The following NUBPL variants were observed in gnomAD, a reference collection of about 807,000 sequenced individuals.
The protein encoded by NUBPL is iron-sulfur cluster transfer protein NUBPL.
In NUBPL, 31 loss-of-function variants were observed where a neutral mutation model predicts 45.7. The observed-to-expected ratio is 0.68, with a 90% CI of 0.51 to 0.92. NUBPL has a LOEUF of 0.92. Among genes scored for constraint, NUBPL ranks in the 40% least tolerant of loss-of-function variants. NUBPL has a pLI of 0.00. For synonymous variants in NUBPL, 144 were observed against 140.9 expected, an observed-to-expected ratio of 1.02 and a Z score of -0.15; for missense variants, 401 against 398.7, an observed-to-expected ratio of 1.01 and a Z score of -0.05.
At chr14:31,699,984 T>C (rs2037296104) in intron 6 of NUBPL, among the ~76,000 whole-genome samples, 1 of 152,222 alleles carries the variant, frequency 6.6e-6, no homozygotes. Context: ...AGTATGTTAG[T>C]TGCTTGATTT....
chr14:31,578,342 A>C (rs2033771448), intron 3 of NUBPL, among the ~76,000 whole-genome samples: 1 of 152,186 alleles, frequency 6.6e-6, no homozygotes, highest in Non-Finnish European at 1.5e-5. Context: ...TGAAATCAGA[A>C]CAGTTTTGTT....
intron 4 of NUBPL, among the ~76,000 whole-genome samples, chr14:31,608,143 A>C (rs755138672): frequency 2.0e-5 from 3 of 152,226 alleles, no homozygotes; most frequent in Non-Finnish European, 4.4e-5. Context: ...TATCTGGTGA[A>C]AATATCCTTC....
intron 4 of NUBPL, among the ~76,000 whole-genome samples, chr14:31,641,201 C>T (rs1038637416): frequency 1.3e-5 from 2 of 152,194 alleles, no homozygotes; most frequent in African/African-American, 2.4e-5. Context: ...CCTCCTGCCT[C>T]ACCCTCCCTA....
At chr14:31,606,171 G>A (rs2034594590) in intron 4 of NUBPL, among the ~76,000 whole-genome samples, 1 of 138,748 alleles carries the variant, frequency 7.2e-6, no homozygotes, top group South Asian at 2.3e-4. Context: ...ATAACTCACT[G>A]CAGCCTCAAA....
chr14:31,846,628 C>G, intron 9 of NUBPL, 37 bp downstream of exon 9: 1 of 1,610,116 alleles, frequency 6.2e-7, no homozygotes, highest in East Asian at 2.2e-5. Flanking sequence ...GAAGAAGTGG[C>G]AGAAGAGAAA....
intron 3 of NUBPL, among the ~76,000 whole-genome samples, chr14:31,594,509 G>A (rs1169026599): frequency 6.6e-6 from 1 of 151,928 alleles, no homozygotes; most frequent in Non-Finnish European, 1.5e-5. Flanking sequence ...GGATTCTTCT[G>A]TACTTTTCAT....
At chr14:31,793,828 C>CTTTTTTTTTTTTTTTTTTTTT (rs55698198) in intron 7 of NUBPL, among the ~76,000 whole-genome samples, 1 of 127,616 alleles carries the variant, frequency 7.8e-6, no homozygotes, top group African/African-American at 3.2e-5. Context: ...CCTTATCTTT[C>CTTTTTTTTTTTTTTTTTTTTT]TTTTTTTTTT....
chr14:31,752,731 C>T (rs189835565), intron 6 of NUBPL, among the ~76,000 whole-genome samples: 42 of 152,310 alleles, frequency 2.8e-4, no homozygotes, highest in African/African-American at 1.0e-3. Flanking sequence ...TATAGCAGTA[C>T]CCCAGTATCC....
At chr14:31,784,134 C>G (rs2039244049) in intron 6 of NUBPL, among the ~76,000 whole-genome samples, 1 of 152,136 alleles carries the variant, frequency 6.6e-6, no homozygotes, top group Admixed American at 6.6e-5. Flanking sequence ...GGAGTCAGCA[C>G]TCTGAAGTTA....
intron 4 of NUBPL, among the ~76,000 whole-genome samples, chr14:31,647,639 C>T (rs2035891915): frequency 6.6e-6 from 1 of 152,186 alleles, no homozygotes; most frequent in African/African-American, 2.4e-5. Context: ...AGTTACAGAT[C>T]AGAGTTTCCA....
At position 31,815,198 on chromosome 14, in the gene NUBPL, G is replaced by A. The variant is rs540199744; in HGVS notation, c.608-11431G>A. On this transcript the variant is annotated intron_variant, in intron 7 of 10. Transcript: ENST00000281081. ...GGAATTTTTTTTTCCATTTTTTTGT[G>A]TCCTCTCTTATTTTCTTGAGCAGCG... Among the ~76,000 whole-genome samples, 154 of 151,458 alleles carry A rather than the reference G, an allele frequency of 1.0e-3. 1 individual carries two copies. Among genetic ancestry groups the A allele is most frequent in the Non-Finnish European group, 1.1e-3 (74 of 67,834 alleles).
At chr14:31,598,138 C>T (rs2034331996) in intron 3 of NUBPL, among the ~76,000 whole-genome samples, 1 of 151,946 alleles carries the variant, frequency 6.6e-6, no homozygotes, top group Non-Finnish European at 1.5e-5. Context: ...CCCGTTTTTT[C>T]CTCTGAGGAC....
chr14:31,673,188 T>G (rs1249686332), intron 4 of NUBPL, among the ~76,000 whole-genome samples, 167 bp from the exon 5 acceptor site: 2 of 152,212 alleles, frequency 1.3e-5, no homozygotes, highest in African/African-American at 4.8e-5. Context: ...CTTATTATTA[T>G]TCTACTACAA....
chr14:31,600,504 C>A (rs1445403137), intron 4 of NUBPL, among the ~76,000 whole-genome samples: 2 of 152,122 alleles, frequency 1.3e-5, no homozygotes, highest in Non-Finnish European at 2.9e-5. Flanking sequence ...GGAGAACATG[C>A]AAACTTTACA....
intron 4 of NUBPL, among the ~76,000 whole-genome samples, chr14:31,636,678 C>T (rs1381396205): frequency 1.3e-5 from 2 of 152,118 alleles, no homozygotes; most frequent in Admixed American, 6.5e-5. Context: ...CCAGTTCCTT[C>T]TTGTACCTCT....
chr14:31,798,791 CAAAAAAAAA>C (rs1164176250), intron 7 of NUBPL, among the ~76,000 whole-genome samples: 5 of 53,504 alleles, frequency 9.3e-5, no homozygotes, highest in African/African-American at 1.9e-4. Context: ...GACTCCGTCT[CAAAAAAAAA>C]AAAAAAAAAA....
chr14:31,725,996 C>T lies in NUBPL; in HGVS notation c.513+52422C>T, dbSNP rs145724465. Among the ~76,000 whole-genome samples, 18 of 152,208 alleles carry T rather than the reference C, an allele frequency of 1.2e-4. No homozygotes were observed. In the East Asian group the frequency reaches 3.5e-3, roughly 29 times the overall value. ...AAGTCCTGGGATTACAGGTGTGAGCCACCGTGCCTGGTCCGATTTCAGATT... is the reference window on the plus strand; with the variant it reads ...AAGTCCTGGGATTACAGGTGTGAGCTACCGTGCCTGGTCCGATTTCAGATT... On this transcript the variant is annotated intron_variant, in intron 6 of 10. Transcript: ENST00000281081.
intron 6 of NUBPL, among the ~76,000 whole-genome samples, chr14:31,743,381 T>G (rs2140003253): frequency 6.6e-6 from 1 of 152,276 alleles, no homozygotes; most frequent in African/African-American, 2.4e-5. Flanking sequence ...TTTTTTTGTT[T>G]CATTTTGTTT....
intron 6 of NUBPL, among the ~76,000 whole-genome samples, chr14:31,767,716 T>G (rs1282368191): frequency 2.0e-5 from 3 of 152,008 alleles, no homozygotes; most frequent in Admixed American, 6.5e-5. Context: ...TGTTTTTTTT[T>G]GTAAATCTTG....
Sources: gnomAD v4.1 joint callset for allele counts (sites outside exome capture counted in the v4.1 genomes callset) on GRCh38, gnomAD v4.1.1 for gene constraint, MANE v1.5 for transcripts, NCBI Gene and HGNC (gene_info 2026-07-23, HGNC 2026-07-21) for gene names.